The following DIS3L2 variants were observed in gnomAD, a reference collection of about 807,000 sequenced individuals.
DIS3L2 encodes the protein DIS3 like 3'-5' exoribonuclease 2.
A neutral mutation model predicts 97.5 loss-of-function variants in DIS3L2; 34 were observed. The observed-to-expected ratio is 0.35, with a 90% CI of 0.27 to 0.46. The LOEUF is 0.46. Among genes scored for constraint, DIS3L2 ranks in the 20% least tolerant of loss-of-function variants. DIS3L2 has a pLI of 1.00. For missense variants in DIS3L2, 1,038 were observed against 1,146.0 expected (o/e 0.91, Z 1.36); for synonymous variants, 435 against 445.2 (o/e 0.98, Z 0.29).
intron 6 of DIS3L2, among the ~76,000 whole-genome samples, chr2:232,105,642 C>G (rs906288923): frequency 1.3e-5 from 2 of 152,184 alleles, no homozygotes; most frequent in Non-Finnish European, 2.9e-5. Flanking sequence ...ATAGAATATA[C>G]TCTGCCCCAC....
At chr2:232,058,180 A>T (rs914391377) in intron 5 of DIS3L2, among the ~76,000 whole-genome samples, 1 of 152,166 alleles carries the variant, frequency 6.6e-6, no homozygotes, top group Non-Finnish European at 1.5e-5. Flanking sequence ...CTCCTCCTCC[A>T]TGGTTTCACT....
intron 13 of DIS3L2, among the ~76,000 whole-genome samples, chr2:232,282,382 C>CTTTATGA (rs1694315801): frequency 6.6e-6 from 1 of 152,166 alleles, no homozygotes; most frequent in Non-Finnish European, 1.5e-5. Flanking sequence ...GACAATGCCA[C>CTTTATGA]TTTCAATAAA....
chr2:232,255,554 C>CT (rs1693537512), intron 12 of DIS3L2, among the ~76,000 whole-genome samples: 2 of 152,286 alleles, frequency 1.3e-5, no homozygotes, highest in Admixed American at 6.5e-5. Flanking sequence ...AGTGCTCAGG[C>CT]TTTTAGGTCA....
intron 6 of DIS3L2, among the ~76,000 whole-genome samples, chr2:232,124,150 C>T (rs1272683229): frequency 6.6e-6 from 1 of 152,092 alleles, no homozygotes; most frequent in African/African-American, 2.4e-5. Context: ...AGAATCATCA[C>T]AGTCTAAAAA....
chr2:232,211,535 C>T (rs184737536), intron 10 of DIS3L2, among the ~76,000 whole-genome samples: 23 of 152,338 alleles, frequency 1.5e-4, no homozygotes, highest in Admixed American at 1.0e-3. Context: ...TGGGTGACTG[C>T]TTTGGCTTTG....
At chr2:232,009,281 T>C (rs958362229) in intron 1 of DIS3L2, among the ~76,000 whole-genome samples, 3 of 152,226 alleles carry the variant, frequency 2.0e-5, no homozygotes, top group Non-Finnish European at 2.9e-5. Flanking sequence ...TCTTTGCATA[T>C]CTTATGAAAA....
intron 14 of DIS3L2, 28 bp from the exon 15 acceptor site, chr2:232,329,785 T>TGCCCGGGGGGCGC: frequency 1.0e-6 from 1 of 967,144 alleles, no homozygotes; most frequent in Non-Finnish European, 1.5e-6. Flanking sequence ...ACCCCAGCGG[T>TGCCCGGGGGGCGC]CCCTCCCATC....
At chr2:232,283,304 C>T (rs534721046) in intron 13 of DIS3L2, among the ~76,000 whole-genome samples, 7 of 152,274 alleles carry the variant, frequency 4.6e-5, no homozygotes, top group African/African-American at 1.4e-4. Context: ...CTCTGCTGCC[C>T]GGGCTGGAGT....
intron 13 of DIS3L2, among the ~76,000 whole-genome samples, chr2:232,291,022 A>AT (rs1288671065): frequency 6.6e-6 from 1 of 152,008 alleles, no homozygotes; most frequent in Non-Finnish European, 1.5e-5. Context: ...TCTCACTCTT[A>AT]TTTTTTCCAG....
chr2:232,003,509 T>A (rs1047785863), intron 1 of DIS3L2, among the ~76,000 whole-genome samples: 3 of 152,270 alleles, frequency 2.0e-5, no homozygotes, highest in African/African-American at 7.2e-5. Context: ...ACTTTACTCA[T>A]GTATAATTTA....
chr2:232,031,388 C>T (rs561662235), intron 5 of DIS3L2, among the ~76,000 whole-genome samples: 13 of 151,882 alleles, frequency 8.6e-5, no homozygotes, highest in Admixed American at 2.6e-4. Flanking sequence ...TTCTTGCTCT[C>T]ATGGAGCTTA....
rs115389130 is a variant in DIS3L2, at chr2:231,965,771, A to C, written c.-94+4006A>C. 7.8e-3 allele frequency among the ~76,000 whole-genome samples: 1,184 copies of C among 152,296 alleles called. 15 individuals are homozygous for C. The highest frequency in any genetic ancestry group is 0.027 in the African/African-American group (1,114 of 41,540). On this transcript the variant is annotated intron_variant, in intron 1 of 20. Coordinates refer to ENST00000325385, the MANE Select transcript of DIS3L2 (RefSeq NM_152383.5). ...ACAAGTGTTTTAGAGAAATCACTGAAATGACATTTTAACTGATGTCTACAA... is the reference window on the plus strand; with the variant it reads ...ACAAGTGTTTTAGAGAAATCACTGACATGACATTTTAACTGATGTCTACAA...
chr2:232,204,560 C>T (rs553706210), intron 9 of DIS3L2, among the ~76,000 whole-genome samples: 83 of 152,248 alleles, frequency 5.5e-4, no homozygotes, highest in Non-Finnish European at 9.7e-4. Context: ...TTCTTTCCCT[C>T]CCCCACCTGG....
intron 8 of DIS3L2, among the ~76,000 whole-genome samples, chr2:232,139,119 AAAAGT>A (rs1318880052): frequency 5.3e-5 from 8 of 152,318 alleles, no homozygotes; most frequent in African/African-American, 1.7e-4. Flanking sequence ...TAATTTAAAT[AAAAGT>A]AGAGATTAAT....
intron 9 of DIS3L2, among the ~76,000 whole-genome samples, chr2:232,202,053 C>A (rs1691907337): frequency 6.6e-6 from 1 of 152,160 alleles, no homozygotes; most frequent in Admixed American, 6.5e-5. Context: ...TCTCTGGCTC[C>A]CACAGTCCCA....
intron 6 of DIS3L2, among the ~76,000 whole-genome samples, chr2:232,105,308 T>G (rs1393625409): frequency 1.3e-5 from 2 of 152,200 alleles, no homozygotes; most frequent in Non-Finnish European, 2.9e-5. Flanking sequence ...TGTGTTTAGC[T>G]TTATGAGGAT....
At position 232,326,959 on chromosome 2, in the gene DIS3L2, T is replaced by C. The variant is rs1019382632; in HGVS notation, c.1740-2854T>C. On this transcript the variant is annotated intron_variant, in intron 14 of 20. Coordinates refer to ENST00000325385, the MANE Select transcript of DIS3L2 (RefSeq NM_152383.5). ...GTAGCGGAGTTGCCAGGGAAGCAGC[T>C]TGCCTGAGGTCTGTGGTCTTGGCAG... Among the ~76,000 whole-genome samples, 188 of 152,330 alleles carry C rather than the reference T, an allele frequency of 1.2e-3. 2 individuals carry two copies. The highest frequency in any genetic ancestry group is 4.4e-3 in the African/African-American group (183 of 41,568).
At chr2:232,076,436 T>C (rs1696189830) in intron 5 of DIS3L2, among the ~76,000 whole-genome samples, 1 of 152,152 alleles carries the variant, frequency 6.6e-6, no homozygotes, top group Non-Finnish European at 1.5e-5. Context: ...CTTGCTAGCA[T>C]TTGGTATTAT....
chr2:232,159,951 G>T (rs2106374105), intron 8 of DIS3L2, among the ~76,000 whole-genome samples: 2 of 152,268 alleles, frequency 1.3e-5, no homozygotes, highest in South Asian at 4.1e-4. Context: ...GCATTATTTG[G>T]TCATGATGTA....
Sources: gnomAD v4.1 joint callset for allele counts (sites outside exome capture counted in the v4.1 genomes callset) on GRCh38, gnomAD v4.1.1 for gene constraint, MANE v1.5 for transcripts, NCBI Gene and HGNC (gene_info 2026-07-23, HGNC 2026-07-21) for gene names.